PRKAR2A: variants seen among roughly 807,000 people sequenced by gnomAD.
The protein encoded by PRKAR2A is protein kinase cAMP-dependent type II regulatory subunit alpha.
Under a neutral mutation model 51.9 loss-of-function variants are expected in PRKAR2A, and 29 were observed. The observed-to-expected ratio is 0.56, with a 90% CI of 0.42 to 0.76. The LOEUF (loss-of-function observed/expected upper bound fraction) is 0.76, where lower values mean the gene tolerates loss of function less well. Ranked by LOEUF, PRKAR2A falls within the 30% of genes least tolerant of loss-of-function variation. The pLI is 0.00. For missense variants in PRKAR2A, 445 were observed against 512.1 expected, an observed-to-expected ratio of 0.87 and a Z score of 1.26; for synonymous variants, 178 against 186.2, an observed-to-expected ratio of 0.96 and a Z score of 0.36.
chr3:48,835,258 ACTATG>A (rs1559650328), intron 1 of PRKAR2A, among the ~76,000 whole-genome samples: 2 of 151,220 alleles, frequency 1.3e-5, no homozygotes, highest in African/African-American at 4.8e-5. Flanking sequence ...GGCGTGAGCC[ACTATG>A]CTTGGCCTGG....
intron 1 of PRKAR2A, among the ~76,000 whole-genome samples, chr3:48,834,199 A>AAT (rs1226085873): frequency 6.6e-6 from 1 of 152,086 alleles, no homozygotes; most frequent in Non-Finnish European, 1.5e-5. Flanking sequence ...TTTTTAGCTA[A>AAT]ATAAGTGGAG....
At chr3:48,835,555 G>A (rs1374524229) in intron 1 of PRKAR2A, among the ~76,000 whole-genome samples, 1 of 151,412 alleles carries the variant, frequency 6.6e-6, no homozygotes, top group Non-Finnish European at 1.5e-5. Flanking sequence ...GCAAGAGAAT[G>A]GTGTGACCCA....
At chr3:48,779,309 T>C (rs891346460) in intron 5 of PRKAR2A, among the ~76,000 whole-genome samples, 13 of 152,138 alleles carry the variant, frequency 8.5e-5, no homozygotes, top group Admixed American at 7.9e-4. Context: ...TGTTTACATA[T>C]GAAATAAATC....
intron 1 of PRKAR2A, among the ~76,000 whole-genome samples, chr3:48,834,050 A>G (rs1025303813): frequency 6.6e-6 from 1 of 151,516 alleles, no homozygotes; most frequent in Non-Finnish European, 1.5e-5. Context: ...AAAAAAAAAA[A>G]GAAAAAAAAG....
rs777619237 is a variant in PRKAR2A, at chr3:48,790,606, C to T, written c.373G>A (p.Glu125Lys). 2.0e-6 allele frequency: 3 copies of T among 1,515,196 alleles called. No homozygotes were observed. In the South Asian group the frequency reaches 4.2e-5, roughly 21 times the overall value. The allele number at this position is 1,515,196 out of a possible 1,614,324, so 93.9% of individuals were successfully genotyped here. Residue 125 changes from glutamate (E) to lysine (K), a missense_variant, in exon 4 of 11, where the codon GAA becomes AAA. By Grantham distance (56) the Glu-to-Lys change is moderately conservative. Transcript: ENST00000265563. ...GCTTCCTGAAGTCTGCATCTCTGTT[C>T]ATCAGTTTTAGGATGAATCACCTGC... ...DPRVIHPKTD[E>K]QRCRLQEACK...
chr3:48,796,335 A>G (rs1313330726), intron 2 of PRKAR2A, among the ~76,000 whole-genome samples: 4 of 152,194 alleles, frequency 2.6e-5, no homozygotes, highest in African/African-American at 9.6e-5. Flanking sequence ...AACTATTACC[A>G]TTATTATCTT....
Position 48,751,193 on chromosome 3 carries a change from C to T in PRKAR2A, c.*392G>A. On this transcript the variant is annotated 3_prime_UTR_variant, in exon 11 of 11. Transcript: ENST00000265563. Reference sequence around the variant, plus strand: ...CCATTAGAGAGTGTCTACAGTTATACAACAGGTTTCTGCAGACCCTGTGGT... The same window carrying T: ...CCATTAGAGAGTGTCTACAGTTATATAACAGGTTTCTGCAGACCCTGTGGT... The T allele has an allele frequency of 7.2e-6, 3 of 417,958 alleles. No individual in the cohort carries two copies. Among genetic ancestry groups the T allele is most frequent in the Non-Finnish European group, 1.4e-5 (3 of 210,850 alleles). The allele number at this position is 417,958 out of a possible 1,614,324, so 25.9% of individuals were successfully genotyped here. A position where few individuals can be genotyped will look rare whatever the true frequency, so the allele number is the denominator to read the frequency against.
chr3:48,748,076 T>A lies in PRKAR2A; in HGVS notation c.*3509A>T, dbSNP rs1007414425. On this transcript the variant is annotated 3_prime_UTR_variant, in exon 11 of 11. Coordinates refer to ENST00000265563, the MANE Select transcript of PRKAR2A (RefSeq NM_004157.4). ...AACCCTCTAGGGATCCTGTATGCAG[T>A]GAGGGTCTGAACTGATGATCCATAT... 3 of 151,700 alleles carry A rather than the reference T, an allele frequency of 2.0e-5. No homozygotes were observed. Among genetic ancestry groups the A allele is most frequent in the African/African-American group, 7.3e-5 (3 of 41,250 alleles). The allele number at this position is 151,700 out of a possible 1,614,324, so 9.4% of individuals were successfully genotyped here. A position where few individuals can be genotyped will look rare whatever the true frequency, so the allele number is the denominator to read the frequency against.
intron 9 of PRKAR2A, among the ~76,000 whole-genome samples, 156 bp downstream of exon 9, chr3:48,756,223 G>T (rs1231571040): frequency 1.3e-5 from 2 of 152,210 alleles, no homozygotes; most frequent in African/African-American, 2.4e-5. Context: ...ATCTAAATAT[G>T]CTAAATCTAT....
At chr3:48,842,701 T>C (rs1236323312) in intron 1 of PRKAR2A, among the ~76,000 whole-genome samples, 3 of 152,202 alleles carry the variant, frequency 2.0e-5, no homozygotes, top group South Asian at 2.1e-4. Flanking sequence ...GTTCTGTTTA[T>C]ATGCTGGATT....
At chr3:48,843,572 C>T (rs2083412879) in intron 1 of PRKAR2A, among the ~76,000 whole-genome samples, 1 of 152,146 alleles carries the variant, frequency 6.6e-6, no homozygotes, top group African/African-American at 2.4e-5. Context: ...ATCATGCTAC[C>T]TGACTTCAAA....
At chr3:48,828,411 T>C (rs2083104637) in intron 1 of PRKAR2A, among the ~76,000 whole-genome samples, 1 of 152,022 alleles carries the variant, frequency 6.6e-6, no homozygotes, top group African/African-American at 2.4e-5. Context: ...AAACGCACTG[T>C]ACAGGTACAC....
At chr3:48,783,185 G>A in intron 4 of PRKAR2A, 93 bp from the exon 5 acceptor site, 1 of 808,412 alleles carries the variant, frequency 1.2e-6, no homozygotes, top group Non-Finnish European at 2.1e-6. Context: ...CTATGTAACA[G>A]AAGTCCCCAC....
intron 1 of PRKAR2A, among the ~76,000 whole-genome samples, chr3:48,812,947 C>G (rs1180933322): frequency 6.6e-6 from 1 of 152,060 alleles, no homozygotes; most frequent in Non-Finnish European, 1.5e-5. Context: ...GTCACATGGT[C>G]AAATTAGACA....
rs202143115 is a variant in PRKAR2A, at chr3:48,756,381, T to C, written c.937A>G (p.Arg313Gly). 3.3e-5 allele frequency: 54 copies of C among 1,612,942 alleles called. No homozygotes were observed. The South Asian group carries it at 4.6e-4, about 14-fold the overall frequency. ...CACATATAAACTGATAAACTCACCC[T>C]GCTTCTAATCAAGATGCTCACTTCG... The part of the protein sequence containing the change: ...SGEVSILIRS[R>G]TKSNKDGGNQ... The change falls in exon 9 of 11, where the codon AGG becomes GGG. Residue 313 changes from arginine (R) to glycine (G), a missense_variant and splice_region_variant. By Grantham distance (125) the Arg-to-Gly change is moderately radical (BLOSUM62 -2). Coordinates refer to ENST00000265563, the MANE Select transcript of PRKAR2A (RefSeq NM_004157.4).
intron 1 of PRKAR2A, among the ~76,000 whole-genome samples, chr3:48,811,794 A>T (rs2082774990): frequency 6.6e-6 from 1 of 152,132 alleles, no homozygotes; most frequent in Non-Finnish European, 1.5e-5. Flanking sequence ...AAGATTAATT[A>T]TATGTTATCC....
chr3:48,788,217 G>A (rs982255559), intron 4 of PRKAR2A, among the ~76,000 whole-genome samples: 9 of 152,080 alleles, frequency 5.9e-5, no homozygotes, highest in African/African-American at 2.2e-4. Flanking sequence ...TTTTAGTAGA[G>A]ACGGGGTTTC....
chr3:48,801,072 T>C (rs961402599), intron 2 of PRKAR2A, among the ~76,000 whole-genome samples: 5 of 152,180 alleles, frequency 3.3e-5, no homozygotes, highest in African/African-American at 1.2e-4. Flanking sequence ...AACTGCCTCC[T>C]GGGTTCAAGT....
In PRKAR2A at chr3:48,847,694, C is replaced by G; in HGVS notation, c.-98G>C. 1.6e-6 allele frequency: 2 copies of G among 1,218,590 alleles called. No individual in the cohort carries two copies. Among genetic ancestry groups the G allele is most frequent in the Non-Finnish European group, 2.1e-6 (2 of 930,906 alleles). The allele number at this position is 1,218,590 out of a possible 1,614,324, so 75.5% of individuals were successfully genotyped here. On this transcript the variant is annotated 5_prime_UTR_variant, in exon 1 of 11. Transcript: ENST00000265563. The surrounding 1 kb of genome is among the most constrained non-coding windows in gnomAD (Gnocchi z 4.4). ...CTTTCGCTCCGCGCCCGCGAGGTCT[C>G]TTCGCGCACGGCCCCGGCTCACGTC...
Sources: gnomAD v4.1 joint callset for allele counts (sites outside exome capture counted in the v4.1 genomes callset) on GRCh38, gnomAD v4.1.1 for gene constraint, Gnocchi (gnomAD v3.1) non-coding constraint, MANE v1.5 for transcripts, NCBI Gene and HGNC (gene_info 2026-07-23, HGNC 2026-07-21) for gene names.